The following PIEZO2 variants were observed in gnomAD, a reference collection of about 807,000 sequenced individuals.
PIEZO2 encodes piezo type mechanosensitive ion channel component 2.
PIEZO2 carries 172 observed loss-of-function variants against 337.3 expected under a neutral mutation model. That is an observed-to-expected ratio of 0.51 (90% CI 0.45 to 0.58). The LOEUF is 0.58. Ranked by LOEUF, PIEZO2 falls within the 20% of genes least tolerant of loss-of-function variation. The pLI, the probability that PIEZO2 is intolerant of heterozygous loss-of-function variation, is 0.00. For synonymous variants in PIEZO2, 1,251 were observed against 1,228.5 expected, an observed-to-expected ratio of 1.02 and a Z score of -0.38; for missense variants, 3,028 against 3,391.3, an observed-to-expected ratio of 0.89 and a Z score of 2.66.
intron 4 of PIEZO2, among the ~76,000 whole-genome samples, chr18:10,885,599 G>C (rs117863126): frequency 6.6e-6 from 1 of 152,272 alleles, no homozygotes; most frequent in East Asian, 1.9e-4. Context: ...AAATGAGAAC[G>C]AATGGTAGGA....
At chr18:10,970,390 C>T (rs532162374) in intron 3 of PIEZO2, among the ~76,000 whole-genome samples, 67 of 152,334 alleles carry the variant, frequency 4.4e-4, no homozygotes, top group African/African-American at 1.5e-3. Flanking sequence ...TAGATGAGCC[C>T]ATTGCCCTGC....
chr18:10,795,137 G>T lies in PIEZO2; in HGVS notation c.1528-135C>A. On this transcript the variant is annotated intron_variant, in intron 12 of 55. Transcript: ENST00000674853. The surrounding 1 kb of genome is among the most constrained non-coding windows in gnomAD (Gnocchi z 4.4). ...AGGGAGAGTAGAGAGTTGTGGTGGA[G>T]TGATGGAGACCCCAAGCCGTGGAGT... 2.6e-6 allele frequency: 2 copies of T among 761,528 alleles called. No homozygotes were observed. Among genetic ancestry groups the T allele is most frequent in the Admixed American group, 2.8e-5 (1 of 35,868 alleles). 47.2% of individuals were successfully genotyped at this position (761,528 alleles called of 1,614,324 possible).
chr18:11,134,807 A>ATAAAT (rs1315557259), intron 1 of PIEZO2, among the ~76,000 whole-genome samples: 3 of 152,178 alleles, frequency 2.0e-5, no homozygotes, highest in Non-Finnish European at 4.4e-5. Flanking sequence ...ATAAAATAAA[A>ATAAAT]TAAATAAAAA....
intron 7 of PIEZO2, among the ~76,000 whole-genome samples, chr18:10,842,629 G>A (rs933949490): frequency 6.6e-6 from 1 of 152,192 alleles, no homozygotes; most frequent in African/African-American, 2.4e-5. Context: ...TTGTACAGCC[G>A]GCAGAACTGT....
In PIEZO2 at chr18:10,676,038, T is replaced by C. The variant is rs2033986438; in HGVS notation, c.8082-750A>G. On this transcript the variant is annotated intron_variant, in intron 53 of 55. Coordinates refer to ENST00000674853, the MANE Select transcript of PIEZO2 (RefSeq NM_001378183.1). The surrounding 1 kb of genome is among the most constrained non-coding windows in gnomAD (Gnocchi z 5.1). Reference sequence around the variant, plus strand: ...CTCAGGTATGTGTTTATTAGCGGTATGAGAATGGACTAATACACAAGTAGA... The same window carrying C: ...CTCAGGTATGTGTTTATTAGCGGTACGAGAATGGACTAATACACAAGTAGA... Among the ~76,000 whole-genome samples, 2 of 152,184 alleles carry C rather than the reference T, an allele frequency of 1.3e-5. No homozygotes were observed. Among genetic ancestry groups the C allele is most frequent in the South Asian group, 4.1e-4 (2 of 4,834 alleles).
At chr18:10,917,192 T>G (rs538515958) in intron 3 of PIEZO2, among the ~76,000 whole-genome samples, 10 of 152,280 alleles carry the variant, frequency 6.6e-5, no homozygotes, top group African/African-American at 2.4e-4. Context: ...TATTTTTTAT[T>G]TCCTCTAATT....
chr18:10,752,719 T>C lies in PIEZO2; in HGVS notation c.4084A>G (p.Lys1362Glu), dbSNP rs1272868097. 6.5e-7 allele frequency: 1 copy of C among 1,537,118 alleles called. No homozygotes were observed. Among genetic ancestry groups the C allele is most frequent in the East Asian group, 2.4e-5 (1 of 40,932 alleles). Reference sequence around the variant, plus strand: ...TAGCGCAGGATGCTCTTGATGGGTTTCAACAGCAAATCGCCCCCAAAGAGC... The same window carrying C: ...TAGCGCAGGATGCTCTTGATGGGTTCCAACAGCAAATCGCCCCCAAAGAGC... ...FLLFGGDLLL[K>E]PIKSILRYWD... The change falls in exon 28 of 56, where the codon AAA (lysine) becomes GAA (glutamate). Residue 1362 changes from lysine (K) to glutamate (E), a missense_variant. Lys to Glu is a moderately conservative substitution (Grantham distance 56). This residue lies in a region of PIEZO2 where 1,925 missense variants were observed against 2,051.9 expected (regional missense o/e 0.94). Transcript: ENST00000674853.
At chr18:10,790,995 C>T (rs1009505665) in intron 14 of PIEZO2, among the ~76,000 whole-genome samples, 2 of 152,188 alleles carry the variant, frequency 1.3e-5, no homozygotes, top group Non-Finnish European at 1.5e-5. Flanking sequence ...CGAGCCACGG[C>T]GCCCGGCCCA....
chr18:10,750,073 C>T lies in PIEZO2; in HGVS notation c.4264+18G>A, dbSNP rs2037586881. ...CCTCTTCTGCCTTTCTGCCTTCACACTTGCTTTTCATACTTACGCATTTGA... is the reference window on the plus strand; with the variant it reads ...CCTCTTCTGCCTTTCTGCCTTCACATTTGCTTTTCATACTTACGCATTTGA... On this transcript the variant is annotated intron_variant, in intron 29 of 55. Coordinates refer to ENST00000674853, the MANE Select transcript of PIEZO2 (RefSeq NM_001378183.1). This position sits in a 1 kb window ranked among gnomAD's most constrained non-coding sequence, Gnocchi z 4.1. 1 of 1,521,908 alleles carries T rather than the reference C, an allele frequency of 6.6e-7. No homozygotes were observed. Among genetic ancestry groups the T allele is most frequent in the Non-Finnish European group, 8.8e-7 (1 of 1,132,892 alleles). The allele number at this position is 1,521,908 out of a possible 1,614,324, so 94.3% of individuals were successfully genotyped here.
At position 11,083,443 on chromosome 18, in the gene PIEZO2, T is replaced by C. The variant is rs1046403645; in HGVS notation, c.65-17221A>G. ...GAAGGAGTCCAGGTAAGGGCAGAAA[T>C]GCTCTCCTCCAGGGAATGATGCTGG... On this transcript the variant is annotated intron_variant, in intron 1 of 55. Coordinates refer to ENST00000674853, the MANE Select transcript of PIEZO2 (RefSeq NM_001378183.1). The surrounding 1 kb of genome is among the most constrained non-coding windows in gnomAD (Gnocchi z 4.4). Among the ~76,000 whole-genome samples the C allele has an allele frequency of 5.3e-5, 8 of 152,180 alleles. No homozygotes were observed. The highest frequency in any genetic ancestry group is 5.2e-4 in the Admixed American group (8 of 15,290).
intron 27 of PIEZO2, among the ~76,000 whole-genome samples, chr18:10,757,088 G>A (rs1358871896): frequency 6.6e-6 from 1 of 150,996 alleles, no homozygotes; most frequent in Non-Finnish European, 1.5e-5. Flanking sequence ...TGAGGAGGAG[G>A]AATGGAGGAT....
At chr18:10,898,382 G>A (rs1306212335) in intron 4 of PIEZO2, among the ~76,000 whole-genome samples, 4 of 151,632 alleles carry the variant, frequency 2.6e-5, no homozygotes, top group African/African-American at 9.7e-5. Flanking sequence ...AATTGCGCCA[G>A]TGCACTCCAG....
rs1195150407 is a variant in PIEZO2 at position 10,773,930 on chromosome 18, G to T, written c.2567+76C>A. 5.8e-6 allele frequency: 4 copies of T among 685,658 alleles called. No individual in the cohort carries two copies. The highest frequency in any genetic ancestry group is 1.8e-5 in the African/African-American group (1 of 56,204). The allele number at this position is 685,658 out of a possible 1,614,324, so 42.5% of individuals were successfully genotyped here. On this transcript the variant is annotated intron_variant, in intron 19 of 55. Coordinates refer to ENST00000674853, the MANE Select transcript of PIEZO2 (RefSeq NM_001378183.1). This position sits in a 1 kb window ranked among gnomAD's most constrained non-coding sequence, Gnocchi z 5.3. ...GACATTTTTCCCAGAGGAGAAAATG[G>T]TCAGAGTTTAGGGTGTAGAAGCATG...
intron 1 of PIEZO2, among the ~76,000 whole-genome samples, chr18:11,113,631 T>C (rs544746366): frequency 6.6e-6 from 1 of 152,290 alleles, no homozygotes; most frequent in South Asian, 2.1e-4. Context: ...TACCCTTACC[T>C]CTACCACAAT....
chr18:10,932,847 C>T (rs2032170571), intron 3 of PIEZO2, among the ~76,000 whole-genome samples: 1 of 151,988 alleles, frequency 6.6e-6, no homozygotes, highest in South Asian at 2.1e-4. Flanking sequence ...TCACTTGAGC[C>T]TAGGAGATCG....
At chr18:10,757,652 G>C (rs1262279492) in intron 27 of PIEZO2, among the ~76,000 whole-genome samples, 1 of 151,800 alleles carries the variant, frequency 6.6e-6, no homozygotes, top group Non-Finnish European at 1.5e-5. Context: ...TGGGGATGCA[G>C]AGGAGGGATA....
At chr18:11,015,720 C>T (rs983177) in intron 2 of PIEZO2, among the ~76,000 whole-genome samples, 46,774 of 151,828 alleles carry the variant, frequency 0.31, 7,562 homozygotes, top group Non-Finnish European at 0.36. Context: ...AGAACAGGAA[C>T]GACTCTTGCA....
chr18:10,781,838 C>T lies in PIEZO2; in HGVS notation c.2493-1472G>A, dbSNP rs558106296. Among the ~76,000 whole-genome samples, 201 of 152,156 alleles carry T rather than the reference C, an allele frequency of 1.3e-3. 1 individual carries two copies. Among genetic ancestry groups the T allele is most frequent in the African/African-American group, 4.6e-3 (190 of 41,542 alleles). On this transcript the variant is annotated intron_variant, in intron 17 of 55. Transcript: ENST00000674853. This position sits in a 1 kb window ranked among gnomAD's most constrained non-coding sequence, Gnocchi z 4.1. ...GACAACAGTGTGGAAATCAGCTTAACGAGCGAATCGGTTATTCCTGATCTG... is the reference window on the plus strand; with the variant it reads ...GACAACAGTGTGGAAATCAGCTTAATGAGCGAATCGGTTATTCCTGATCTG...
Position 10,697,900 on chromosome 18 carries a change from A to C in PIEZO2, c.6695-20T>G. On this transcript the variant is annotated intron_variant, in intron 44 of 55. Transcript: ENST00000674853. Reference sequence around the variant, plus strand: ...TGCTGCCTAGAAATAAAAAGAGATCATAAGATGGGTGGTGGAGCCTGGGGT... The same window carrying C: ...TGCTGCCTAGAAATAAAAAGAGATCCTAAGATGGGTGGTGGAGCCTGGGGT... 2 of 1,594,378 alleles carry C rather than the reference A, an allele frequency of 1.3e-6. No individual in the cohort carries two copies. Among genetic ancestry groups the C allele is most frequent in the Non-Finnish European group, 1.7e-6 (2 of 1,168,526 alleles).
Sources: gnomAD v4.1 joint callset for allele counts (sites outside exome capture counted in the v4.1 genomes callset) on GRCh38, gnomAD v4.1.1 for gene constraint, gnomAD v4.1.1 regional missense constraint, Gnocchi (gnomAD v3.1) non-coding constraint, MANE v1.5 for transcripts, NCBI Gene and HGNC (gene_info 2026-07-23, HGNC 2026-07-21) for gene names.